Variants in CD163L1 observed in about 807,000 individuals in gnomAD.
CD163L1 encodes scavenger receptor cysteine-rich type 1 protein M160.
In CD163L1, 124 loss-of-function variants were observed where a neutral mutation model predicts 165.4. The ratio of observed to expected loss-of-function variants is 0.75; its 90% CI spans 0.65 to 0.87. CD163L1 has a LOEUF of 0.87. Ranked by LOEUF, CD163L1 falls within the 40% of genes least tolerant of loss-of-function variation. The pLI, the probability that CD163L1 is intolerant of heterozygous loss-of-function variation, is 0.00. For synonymous variants in CD163L1, 585 were observed against 662.2 expected (o/e 0.88, Z 1.79); for missense variants, 1,525 against 1,799.9 (o/e 0.85, Z 2.76).
In CD163L1 at chr12:7,373,207, C is replaced by G. The variant is rs1300164115; in HGVS notation, c.3730+113G>C. On this transcript the variant is annotated intron_variant, in intron 14 of 19. Transcript: ENST00000313599. ...GATGCGATAAATCAGCACTTATTGT[C>G]ATGCACTTTTCAGTGAGTCTGCCAT... 3.5e-6 allele frequency: 3 copies of G among 846,346 alleles called. No individual in the cohort carries two copies. The East Asian group carries it at 7.5e-5, about 21-fold the overall frequency. 52.4% of individuals were successfully genotyped at this position (846,346 alleles called of 1,614,324 possible).
Position 7,433,615 on chromosome 12 carries a change from C to G in CD163L1, c.204G>C (p.Gln68His), listed in dbSNP as rs769875730. ...SGTVEVKFQG[Q>H]WGTVCDDGWN... ...ACCCATCATCACACACAGTCCCCCA[C>G]TGTCCCTGGAATTTCACCTCCACTG... Residue 68 changes from glutamine (Q) to histidine (H), a missense_variant, in exon 3 of 20, where the codon CAG becomes CAC. Gln to His is a conservative substitution (Grantham distance 24). Coordinates refer to ENST00000313599, the MANE Select transcript of CD163L1 (RefSeq NM_174941.6). The G allele has an allele frequency of 1.2e-6, 2 of 1,614,200 alleles. No homozygotes were observed.
At chr12:7,430,999 T>C (rs1295344469) in intron 4 of CD163L1, among the ~76,000 whole-genome samples, 1 of 151,936 alleles carries the variant, frequency 6.6e-6, no homozygotes. Context: ...GGAAAATGGA[T>C]TTGAAGGTGT....
intron 2 of CD163L1, among the ~76,000 whole-genome samples, chr12:7,434,127 T>C (rs1435391219): frequency 6.6e-6 from 1 of 152,154 alleles, no homozygotes; most frequent in African/African-American, 2.4e-5. Context: ...TCTTGTAAGG[T>C]TGACATAATA....
At chr12:7,434,718 C>G (rs1359711333) in intron 2 of CD163L1, among the ~76,000 whole-genome samples, 4 of 151,680 alleles carry the variant, frequency 2.6e-5, no homozygotes, top group East Asian at 3.9e-4. Context: ...GAGAGAGAGA[C>G]AGACAGAGAC....
the CD163L1 span, among the ~76,000 whole-genome samples, chr12:7,321,951 C>T: frequency 2.6e-5 from 4 of 152,182 alleles, no homozygotes. Context: ...AGTATCAACT[C>T]AGTCCTTTAT....
At chr12:7,397,152 A>G (rs1320105371) in intron 7 of CD163L1, among the ~76,000 whole-genome samples, 1 of 152,202 alleles carries the variant, frequency 6.6e-6, no homozygotes, top group Non-Finnish European at 1.5e-5. Context: ...TCCTAATCAA[A>G]TACTTACAGT....
intron 4 of CD163L1, among the ~76,000 whole-genome samples, chr12:7,417,672 T>C (rs1948273248): frequency 6.6e-6 from 1 of 152,178 alleles, no homozygotes; most frequent in Non-Finnish European, 1.5e-5. Context: ...GAGATAATCA[T>C]GTGGTTTTTG....
chr12:7,380,573 A>G (rs1431177707), intron 8 of CD163L1, among the ~76,000 whole-genome samples: 1 of 152,106 alleles, frequency 6.6e-6, no homozygotes, highest in East Asian at 1.9e-4. Flanking sequence ...GTGGGGGGCT[A>G]AGCTATGACG....
Position 7,421,511 on chromosome 12 carries a change from A to G in CD163L1, c.766+10905T>C, listed in dbSNP as rs1382477492. ...TATATACATATATGTACATATACAT[A>G]TACATATATGTACATATATACATAT... is the stretch of plus-strand genomic sequence containing the variant. On this transcript the variant is annotated intron_variant, in intron 4 of 19. Transcript: ENST00000313599. Among the ~76,000 whole-genome samples the G allele has an allele frequency of 2.3e-4, 29 of 125,704 alleles. 1 individual carries two copies. Among genetic ancestry groups the G allele is most frequent in the South Asian group, 5.1e-4 (2 of 3,942 alleles). 82.5% of individuals were successfully genotyped at this position (125,704 alleles called of 152,430 possible). A position where few individuals can be genotyped will look rare whatever the true frequency, so the allele number is the denominator to read the frequency against.
chr12:7,393,469 C>A (rs1471798635), intron 8 of CD163L1, among the ~76,000 whole-genome samples: 1 of 152,150 alleles, frequency 6.6e-6, no homozygotes, highest in Non-Finnish European at 1.5e-5. Flanking sequence ...CAATATCATA[C>A]TGAATGGGCA....
downstream of CD163L1, among the ~76,000 whole-genome samples, chr12:7,350,528 T>A (rs772713486): frequency 6.6e-6 from 1 of 152,318 alleles, no homozygotes; most frequent in East Asian, 1.9e-4. Context: ...TGCTTTTCTG[T>A]TCCTGTCTCT....
chr12:7,363,941 G>A (rs751503648), intron 18 of CD163L1, among the ~76,000 whole-genome samples: 2 of 151,844 alleles, frequency 1.3e-5, no homozygotes, highest in Admixed American at 6.6e-5. Flanking sequence ...CATTTTATAG[G>A]GCCAGCATTA....
chr12:7,439,822 T>C (rs1948791083), intron 2 of CD163L1: 2 of 1,613,626 alleles, frequency 1.2e-6, no homozygotes, highest in Admixed American at 3.3e-5. Flanking sequence ...GAACACATCC[T>C]CTCCGTCCTC....
At chr12:7,436,372 A>G (rs1948712472) in intron 2 of CD163L1, among the ~76,000 whole-genome samples, 1 of 152,230 alleles carries the variant, frequency 6.6e-6, no homozygotes, top group African/African-American at 2.4e-5. Context: ...ACACAAAGAT[A>G]TAGTAATATT....
At chr12:7,353,961 A>G (rs2136367349), downstream of CD163L1, among the ~76,000 whole-genome samples, 1 of 152,200 alleles carries the variant, frequency 6.6e-6, no homozygotes, top group South Asian at 2.1e-4. Context: ...TACTGCAAAC[A>G]TATTGCAAAG....
chr12:7,386,068 G>C (rs1207341078), intron 8 of CD163L1, among the ~76,000 whole-genome samples: 1 of 151,906 alleles, frequency 6.6e-6, no homozygotes, highest in African/African-American at 2.4e-5. Context: ...TTGACTTTTT[G>C]AAAAGATCAA....
In CD163L1 at chr12:7,433,116, T is replaced by A. The variant is rs116947350; in HGVS notation, c.445+258A>T. 5.3e-5 allele frequency among the ~76,000 whole-genome samples: 8 copies of A among 152,328 alleles called. No homozygotes were observed. In the South Asian group the frequency reaches 1.2e-3, roughly 24 times the overall value. The stretch of plus-strand genomic sequence containing the variant: ...AACTCAATTATAGTTATGATAAAGA[T>A]ATTACATTGGTAACTGTAATGCATT... On this transcript the variant is annotated intron_variant, in intron 3 of 19. Coordinates refer to ENST00000313599, the MANE Select transcript of CD163L1 (RefSeq NM_174941.6).
intron 1 of CD163L1, among the ~76,000 whole-genome samples, chr12:7,442,188 G>A (rs1012547671): frequency 6.6e-6 from 1 of 151,682 alleles, no homozygotes. Context: ...TGTAACAGCT[G>A]TAACTGTTAG....
chr12:7,380,793 A>T (rs12305524), intron 8 of CD163L1, among the ~76,000 whole-genome samples: 1,871 of 152,260 alleles, frequency 0.012, 45 homozygotes, highest in African/African-American at 0.042. Context: ...AAAACTTTTT[A>T]AAAAAGAGGA....
Sources: allele counts gnomAD v4.1 joint callset (sites outside exome capture counted in the v4.1 genomes callset), GRCh38; gene constraint gnomAD v4.1.1; transcripts MANE v1.5; gene names NCBI Gene and HGNC (gene_info 2026-07-23, HGNC 2026-07-21).